The following HAS3 variants were observed in gnomAD, a reference collection of about 807,000 sequenced individuals.
The protein encoded by HAS3 is hyaluronan synthase 3, also known as HA synthase 3.
In HAS3, 27 loss-of-function variants were observed where a neutral mutation model predicts 50.3. That is an observed-to-expected ratio of 0.54 (90% CI 0.40 to 0.74). The LOEUF (loss-of-function observed/expected upper bound fraction) is 0.74. HAS3 is among the 30% of genes least tolerant of loss of function. The pLI, the probability that HAS3 is intolerant of heterozygous loss-of-function variation, is 0.00. For missense variants in HAS3, 517 were observed against 742.8 expected (o/e 0.70, Z 3.53); for synonymous variants, 339 against 310.9 (o/e 1.09, Z -0.95).
intron 1 of HAS3, among the ~76,000 whole-genome samples, chr16:69,108,860 T>C (rs1042054052): frequency 6.6e-6 from 1 of 152,228 alleles, no homozygotes; most frequent in Non-Finnish European, 1.5e-5. Flanking sequence ...CTCCTGCACT[T>C]TCTTCTTGGG....
At position 69,114,252 on chromosome 16, in the gene HAS3, C is replaced by A; in HGVS notation, c.739-91C>A. ...GGCCAGGAATCTAAGCAGCGGGCCA[C>A]AGAAGCCATGGTAAGGAGGCCTCGT... On this transcript the variant is annotated intron_variant, in intron 3 of 3. Coordinates refer to ENST00000569188, the MANE Select transcript of HAS3 (RefSeq NM_001199280.2). This position sits in a 1 kb window ranked among gnomAD's most constrained non-coding sequence, Gnocchi z 6.4. 6.7e-7 allele frequency: 1 copy of A among 1,501,782 alleles called. No homozygotes were observed. Among genetic ancestry groups the A allele is most frequent in the Non-Finnish European group, 8.8e-7 (1 of 1,133,698 alleles). The allele number at this position is 1,501,782 out of a possible 1,614,324, so 93.0% of individuals were successfully genotyped here.
chr16:69,117,120 A>T lies in HAS3; in HGVS notation c.*1854A>T, dbSNP rs1203973548. 1 of 985,758 alleles carries T rather than the reference A, an allele frequency of 1.0e-6. No homozygotes were observed. 61.1% of individuals were successfully genotyped at this position (985,758 alleles called of 1,614,324 possible). ...GGCTGGAAGGCAGCAGGCATTTGCTAAGGCAGCTGATCCAGGCAATCGTTC... is the reference window on the plus strand; with the variant it reads ...GGCTGGAAGGCAGCAGGCATTTGCTTAGGCAGCTGATCCAGGCAATCGTTC... On this transcript the variant is annotated 3_prime_UTR_variant, in exon 4 of 4. Coordinates refer to ENST00000569188, the MANE Select transcript of HAS3 (RefSeq NM_001199280.2).
chr16:69,115,301 G>A lies in HAS3; in HGVS notation c.*35G>A. 15 of 1,502,576 alleles carry A rather than the reference G, an allele frequency of 1.0e-5. No homozygotes were observed. The highest frequency in any genetic ancestry group is 1.1e-5 in the Non-Finnish European group (12 of 1,129,412). 93.1% of individuals were successfully genotyped at this position (1,502,576 alleles called of 1,614,324 possible). On this transcript the variant is annotated 3_prime_UTR_variant, in exon 4 of 4. Transcript: ENST00000569188. ...CAAGCAGAGCGGGTAAAGTGCAATGGGTAAGGGAGGGAAGGGGAATGGAAG... is the reference window on the plus strand; with the variant it reads ...CAAGCAGAGCGGGTAAAGTGCAATGAGTAAGGGAGGGAAGGGGAATGGAAG...
the HAS3 span, among the ~76,000 whole-genome samples, chr16:69,092,269 T>C: frequency 6.6e-6 from 1 of 152,212 alleles, no homozygotes; most frequent in Non-Finnish European, 1.5e-5. Context: ...ATAGATACTG[T>C]ATTTCCAAAT....
At position 69,115,173 on chromosome 16, in the gene HAS3, C is replaced by T; in HGVS notation, c.1569C>T (p.Tyr523=). Reference sequence around the variant, plus strand: ...CTGGGGCTATACTGTATGGCTGCTACTGGGTGGCCCTCCTCATGCTATATC... The same window carrying T: ...CTGGGGCTATACTGTATGGCTGCTATTGGGTGGCCCTCCTCATGCTATATC... ...LVSGAILYGC[Y]WVALLMLYLA... Residue 523 remains tyrosine (Y), a synonymous_variant, in exon 4 of 4, where the codon TAC becomes TAT. Coordinates refer to ENST00000569188, the MANE Select transcript of HAS3 (RefSeq NM_001199280.2). 6.3e-7 allele frequency: 1 copy of T among 1,593,456 alleles called. No individual in the cohort carries two copies. The highest frequency in any genetic ancestry group is 8.6e-7 in the Non-Finnish European group (1 of 1,168,836).
rs1365602510 is a variant in HAS3, at chr16:69,110,042, C to T, written c.636+11C>T. Reference sequence around the variant, plus strand: ...GTGGACTACATCCAGGTAAGGGCGCCTCCCTAGGAGCGTGTGTACATGGGG... The same window carrying T: ...GTGGACTACATCCAGGTAAGGGCGCTTCCCTAGGAGCGTGTGTACATGGGG... On this transcript the variant is annotated intron_variant, in intron 2 of 3. Coordinates refer to ENST00000569188, the MANE Select transcript of HAS3 (RefSeq NM_001199280.2). The T allele has an allele frequency of 6.3e-7, 1 of 1,596,974 alleles. No homozygotes were observed. The highest frequency in any genetic ancestry group is 1.7e-5 in the Admixed American group (1 of 59,374).
chr16:69,114,222 C>T lies in HAS3; in HGVS notation c.739-121C>T, dbSNP rs1036382278. 6 of 1,447,654 alleles carry T rather than the reference C, an allele frequency of 4.1e-6. No individual in the cohort carries two copies. The African/African-American group carries it at 7.1e-5, about 17-fold the overall frequency. The allele number at this position is 1,447,654 out of a possible 1,614,324, so 89.7% of individuals were successfully genotyped here. On this transcript the variant is annotated intron_variant, in intron 3 of 3. Coordinates refer to ENST00000569188, the MANE Select transcript of HAS3 (RefSeq NM_001199280.2). The surrounding 1 kb of genome is among the most constrained non-coding windows in gnomAD (Gnocchi z 6.4). Reference sequence around the variant, plus strand: ...CTCAGGTTTCCCAGCTCCAAAGGAACCGATGGCCAGGAATCTAAGCAGCGG... The same window carrying T: ...CTCAGGTTTCCCAGCTCCAAAGGAATCGATGGCCAGGAATCTAAGCAGCGG...
Position 69,109,611 on chromosome 16 carries a change from T to C in HAS3, c.216T>C (p.Arg72=). The change falls in exon 2 of 4, where the codon CGT becomes CGC. Residue 72 remains arginine (R), a synonymous_variant. Transcript: ENST00000569188. This position sits in a 1 kb window ranked among gnomAD's most constrained non-coding sequence, Gnocchi z 5.3. ...TCCTGGAGCACCGGCGCATGCGACGTGCCGGCCAGGCCCTGAAGCTGCCCT... is the reference window on the plus strand; with the variant it reads ...TCCTGGAGCACCGGCGCATGCGACGCGCCGGCCAGGCCCTGAAGCTGCCCT... The part of the protein sequence containing the change: ...FAFLEHRRMR[R]AGQALKLPSP... 1.2e-6 allele frequency: 2 copies of C among 1,612,196 alleles called. No individual in the cohort carries two copies. The highest frequency in any genetic ancestry group is 1.7e-6 in the Non-Finnish European group (2 of 1,179,814).
At chr16:69,111,764 C>G (rs1000766148) in intron 2 of HAS3, among the ~76,000 whole-genome samples, 1 of 152,170 alleles carries the variant, frequency 6.6e-6, no homozygotes, top group Non-Finnish European at 1.5e-5. Flanking sequence ...GTGAAACTTT[C>G]CTGGGGACCC....
intron 3 of HAS3, among the ~76,000 whole-genome samples, chr16:69,113,832 G>A (rs113519441): frequency 3.3e-5 from 5 of 152,232 alleles, no homozygotes; most frequent in Admixed American, 6.5e-5. Context: ...CTTTTTGGCC[G>A]GTGGTACAGC....
In HAS3 at chr16:69,116,249, C is replaced by G. The variant is rs745759475; in HGVS notation, c.*983C>G. On this transcript the variant is annotated 3_prime_UTR_variant, in exon 4 of 4. Transcript: ENST00000569188. ...TCACTGCAGTCACCTCTTCTACCCT[C>G]ATCATCATAGGTAAGGTTTTCAAGG... The G allele has an allele frequency of 1.4e-4, 142 of 985,506 alleles. No individual in the cohort carries two copies. The highest frequency in any genetic ancestry group is 1.6e-4 in the Non-Finnish European group (134 of 829,930). 61.0% of individuals were successfully genotyped at this position (985,506 alleles called of 1,614,324 possible).
the HAS3 span, among the ~76,000 whole-genome samples, chr16:69,086,522 ATG>A: frequency 0.12 from 16,615 of 137,894 alleles, 933 homozygotes; most frequent in Middle Eastern, 0.18. Flanking sequence ...TTTCTATATT[ATG>A]TGTGTGTGTG....
intron 2 of HAS3, among the ~76,000 whole-genome samples, chr16:69,111,157 A>ATTTTTTTTTTTTTTTTTTTTTTTTTTTT (rs71148963): frequency 3.2e-5 from 2 of 62,274 alleles, no homozygotes; most frequent in African/African-American, 7.3e-5. Flanking sequence ...CTAGGCCAGG[A>ATTTTTTTTTTTTTTTTTTTTTTTTTTTT]TTTTTTTTTT....
the HAS3 span, among the ~76,000 whole-genome samples, chr16:69,094,357 A>G: frequency 6.6e-6 from 1 of 152,086 alleles, no homozygotes; most frequent in African/African-American, 2.4e-5. Flanking sequence ...ACACACCTTC[A>G]CTGGACCACA....
chr16:69,114,297 C>T lies in HAS3; in HGVS notation c.739-46C>T. 3 of 1,540,490 alleles carry T rather than the reference C, an allele frequency of 1.9e-6. No homozygotes were observed. Among genetic ancestry groups the T allele is most frequent in the Non-Finnish European group, 2.6e-6 (3 of 1,148,488 alleles). On this transcript the variant is annotated intron_variant, in intron 3 of 3. Transcript: ENST00000569188. This position sits in a 1 kb window ranked among gnomAD's most constrained non-coding sequence, Gnocchi z 6.4. Reference sequence around the variant, plus strand: ...CCTCGTGGTCTCTGATGTCTGTCCTCCGGACGTGCAACCTTAGGAGGCCCA... The same window carrying T: ...CCTCGTGGTCTCTGATGTCTGTCCTTCGGACGTGCAACCTTAGGAGGCCCA...
chr16:69,114,008 T>C lies in HAS3; in HGVS notation c.739-335T>C, dbSNP rs551474540. ...ACCACAGAAATCTCAGGACAGGTGG[T>C]TGTGGTGGTGTTTTGCATTCTTCCC... On this transcript the variant is annotated intron_variant, in intron 3 of 3. Coordinates refer to ENST00000569188, the MANE Select transcript of HAS3 (RefSeq NM_001199280.2). The surrounding 1 kb of genome is among the most constrained non-coding windows in gnomAD (Gnocchi z 6.4). 2.0e-5 allele frequency among the ~76,000 whole-genome samples: 3 copies of C among 152,250 alleles called. No individual in the cohort carries two copies. The South Asian group carries it at 6.2e-4, about 32-fold the overall frequency.
chr16:69,104,539 G>A (rs376544987), upstream of HAS3, among the ~76,000 whole-genome samples: 58 of 152,190 alleles, frequency 3.8e-4, no homozygotes, highest in South Asian at 0.011. Context: ...CTCGTGATCC[G>A]CCCACCTCGG....
Position 69,116,366 on chromosome 16 carries a change from A to G in HAS3, c.*1100A>G. 5.1e-6 allele frequency: 5 copies of G among 985,920 alleles called. No homozygotes were observed. Among genetic ancestry groups the G allele is most frequent in the Non-Finnish European group, 6.0e-6 (5 of 829,950 alleles). The allele number at this position is 985,920 out of a possible 1,614,324, so 61.1% of individuals were successfully genotyped here. A position where few individuals can be genotyped will look rare whatever the true frequency, so the allele number is the denominator to read the frequency against. On this transcript the variant is annotated 3_prime_UTR_variant, in exon 4 of 4. Transcript: ENST00000569188. ...ATATGGGAACTATGAGGAGCCTCTG[A>G]TCAAATTGGCTACAATCTTGGAGCT...
chr16:69,083,949 G>T, the HAS3 span: 1 of 246,118 alleles, frequency 4.1e-6, no homozygotes, highest in Non-Finnish European at 7.8e-6. Context: ...TGTCTACCTG[G>T]TGAAAGTATA....
Sources: gnomAD v4.1 joint callset for allele counts (sites outside exome capture counted in the v4.1 genomes callset) on GRCh38, gnomAD v4.1.1 for gene constraint, Gnocchi (gnomAD v3.1) non-coding constraint, MANE v1.5 for transcripts, NCBI Gene and HGNC (gene_info 2026-07-23, HGNC 2026-07-21) for gene names.